RFC1: variants seen among roughly 807,000 people sequenced by gnomAD.
RFC1 encodes A1 140 kDa subunit.
In RFC1, 37 loss-of-function variants were observed where a neutral mutation model predicts 137.4. That is an observed-to-expected ratio of 0.27 (90% CI 0.21 to 0.35). The LOEUF is 0.35. Among genes scored for constraint, RFC1 ranks in the 10% least tolerant of loss-of-function variants. The probability of loss-of-function intolerance (pLI) is 1.00; values close to 1 mark genes in which losing one functional copy is unlikely to be tolerated. For synonymous variants in RFC1, 429 were observed against 455.7 expected (o/e 0.94, Z 0.75); for missense variants, 1,205 against 1,358.5 (o/e 0.89, Z 1.78).
intron 2 of RFC1, among the ~76,000 whole-genome samples, chr4:39,348,359 G>A (rs1034591833): frequency 1.4e-5 from 2 of 147,330 alleles, no homozygotes; most frequent in South Asian, 2.2e-4. Flanking sequence ...GGAGGCAGAG[G>A]TTGCAGTGAG....
intron 1 of RFC1, among the ~76,000 whole-genome samples, chr4:39,358,432 T>C (rs1320080360): frequency 6.6e-6 from 1 of 152,236 alleles, no homozygotes; most frequent in African/African-American, 2.4e-5. Flanking sequence ...AAGTTTTACC[T>C]TCTAGTTTAT....
intron 2 of RFC1, 83 bp from the exon 3 acceptor site, chr4:39,345,559 C>T (rs975119621): frequency 9.7e-6 from 11 of 1,136,354 alleles, no homozygotes; most frequent in African/African-American, 4.7e-5. Context: ...CTCACTCTGT[C>T]ATCCAGGCTG....
intron 9 of RFC1, 88 bp from the exon 10 acceptor site, chr4:39,317,110 T>A (rs2109657017): frequency 1.3e-6 from 1 of 777,982 alleles, no homozygotes; most frequent in Non-Finnish European, 2.1e-6. Context: ...ACATTATTTT[T>A]ATTGTGTCAC....
At chr4:39,358,238 G>T (rs1035960238) in intron 1 of RFC1, among the ~76,000 whole-genome samples, 18 of 152,136 alleles carry the variant, frequency 1.2e-4, no homozygotes, top group Middle Eastern at 3.4e-3. Context: ...TCGCACCATT[G>T]CACTCCAGCC....
chr4:39,314,401 T>A (rs1393658909), intron 10 of RFC1, among the ~76,000 whole-genome samples: 1 of 152,210 alleles, frequency 6.6e-6, no homozygotes, highest in Non-Finnish European at 1.5e-5. Flanking sequence ...GCTCTGATTA[T>A]CTTTTTACTT....
At chr4:39,291,518 GC>G in intron 23 of RFC1, 120 bp downstream of exon 23, 1 of 699,332 alleles carries the variant, frequency 1.4e-6, no homozygotes, top group Non-Finnish European at 2.5e-6. Flanking sequence ...GCCATAAGAA[GC>G]AACAAGCATT....
chr4:39,363,502 T>A (rs771644257), intron 1 of RFC1, among the ~76,000 whole-genome samples: 3 of 152,236 alleles, frequency 2.0e-5, no homozygotes. Flanking sequence ...TGAATACACG[T>A]ACTTTATTTC....
At chr4:39,301,490 G>A (rs544654211) in intron 19 of RFC1, among the ~76,000 whole-genome samples, 1 of 152,348 alleles carries the variant, frequency 6.6e-6, no homozygotes, top group Non-Finnish European at 1.5e-5. Flanking sequence ...ATACCACTGT[G>A]GTGGGGGATG....
intron 2 of RFC1, among the ~76,000 whole-genome samples, chr4:39,350,937 T>C (rs1226938502): frequency 1.3e-5 from 2 of 152,136 alleles, no homozygotes; most frequent in Admixed American, 1.3e-4. Flanking sequence ...GTGTAATATA[T>C]ATGACAACTA....
intron 1 of RFC1, among the ~76,000 whole-genome samples, chr4:39,352,180 T>C (rs1056119599): frequency 3.3e-5 from 5 of 152,114 alleles, no homozygotes; most frequent in Non-Finnish European, 7.4e-5. Flanking sequence ...AAGACAAAGT[T>C]GGAGAATATG....
intron 4 of RFC1, among the ~76,000 whole-genome samples, chr4:39,336,048 T>C (rs930839965): frequency 6.6e-6 from 1 of 152,166 alleles, no homozygotes; most frequent in Non-Finnish European, 1.5e-5. Context: ...CCTCAGTATC[T>C]TAGTGTCTCA....
chr4:39,354,275 G>C (rs1741349840), intron 1 of RFC1, among the ~76,000 whole-genome samples: 1 of 152,204 alleles, frequency 6.6e-6, no homozygotes, highest in South Asian at 2.1e-4. Context: ...GCAGCCATCT[G>C]AGGTATAAAC....
intron 24 of RFC1, 68 bp downstream of exon 24, chr4:39,289,780 C>CT: frequency 9.3e-7 from 1 of 1,071,366 alleles, no homozygotes; most frequent in Non-Finnish European, 1.4e-6. Flanking sequence ...TGAAAAGGCC[C>CT]TATTATTCAC....
intron 1 of RFC1, among the ~76,000 whole-genome samples, chr4:39,360,210 A>G (rs1282489055): frequency 6.6e-6 from 1 of 151,878 alleles, no homozygotes; most frequent in Non-Finnish European, 1.5e-5. Context: ...TACTAAAAAT[A>G]CAAAAATCGG....
At chr4:39,298,455 G>A (rs968143858) in intron 21 of RFC1, among the ~76,000 whole-genome samples, 7 of 152,040 alleles carry the variant, frequency 4.6e-5, no homozygotes, top group African/African-American at 9.7e-5. Flanking sequence ...CAATAATCCT[G>A]TATAACTATA....
chr4:39,302,545 T>G lies in RFC1; in HGVS notation c.2391A>C (p.Pro797=). 6.2e-7 allele frequency: 1 copy of G among 1,612,034 alleles called. No homozygotes were observed. Among genetic ancestry groups the G allele is most frequent in the Non-Finnish European group, 8.5e-7 (1 of 1,178,508 alleles). Residue 797 remains proline, a synonymous_variant, in exon 18 of 25, where the codon CCA becomes CCC. Coordinates refer to ENST00000349703, the MANE Select transcript of RFC1 (RefSeq NM_002913.5). The stretch of plus-strand genomic sequence containing the variant: ...CTCCCAAAATTATTTCATTCATAGC[T>G]GGAGGGGGAATCTTTAAACCTTCTT... ...AFKEGLKIPP[P]AMNEIILGAN... is the part of the protein sequence containing the mutation.
intron 21 of RFC1, among the ~76,000 whole-genome samples, chr4:39,299,114 T>C (rs993076735): frequency 2.6e-5 from 4 of 152,212 alleles, no homozygotes; most frequent in African/African-American, 4.8e-5. Flanking sequence ...CCACAAACAA[T>C]AGCATGAGCG....
intron 2 of RFC1, among the ~76,000 whole-genome samples, chr4:39,347,632 T>C (rs971632726): frequency 6.6e-6 from 1 of 152,142 alleles, no homozygotes; most frequent in African/African-American, 2.4e-5. Flanking sequence ...TTTTCTAGCA[T>C]GTAGAAAAAG....
Position 39,351,366 on chromosome 4 carries a change from T to C in RFC1, c.114A>G (p.Lys38=), listed in dbSNP as rs1372463082. 1 of 1,563,920 alleles carries C rather than the reference T, an allele frequency of 6.4e-7. No homozygotes were observed. Among genetic ancestry groups the C allele is most frequent in the Middle Eastern group, 2.2e-4 (1 of 4,508 alleles). Residue 38 remains lysine, a synonymous_variant, in exon 2 of 25, where the codon AAA becomes AAG. Transcript: ENST00000349703. The part of the protein sequence containing the change: ...KSDEETLKAK[K]GIKEIKVNSS... ...AACTAACCTTGATTTCCTTTATTCCTTTCTTTGCTTTTAAAGTTTCTTCAT... is the reference window on the plus strand; with the variant it reads ...AACTAACCTTGATTTCCTTTATTCCCTTCTTTGCTTTTAAAGTTTCTTCAT...
Sources: allele counts gnomAD v4.1 joint callset (sites outside exome capture counted in the v4.1 genomes callset), GRCh38; gene constraint gnomAD v4.1.1; transcripts MANE v1.5; gene names NCBI Gene and HGNC (gene_info 2026-07-23, HGNC 2026-07-21).